Variants in EPHA5 observed in about 807,000 individuals in gnomAD.
EPHA5 encodes EPH receptor A5.
A neutral mutation model predicts 105.0 loss-of-function variants in EPHA5; 60 were observed. The ratio of observed to expected loss-of-function variants is 0.57; its 90% CI spans 0.46 to 0.71. EPHA5 has a LOEUF of 0.71. Among genes scored for constraint, EPHA5 ranks in the 30% least tolerant of loss-of-function variants. EPHA5 has a pLI of 0.00. For missense variants in EPHA5, 1,218 were observed against 1,274.7 expected (o/e 0.96, Z 0.68); for synonymous variants, 513 against 449.1 (o/e 1.14, Z -1.80).
intron 3 of EPHA5, 131 bp downstream of exon 3, chr4:65,601,509 TA>T: frequency 2.1e-6 from 2 of 945,354 alleles, no homozygotes; most frequent in African/African-American, 1.6e-5. Flanking sequence ...AAGAGAAAAA[TA>T]AAACTTGAGA....
intron 3 of EPHA5, among the ~76,000 whole-genome samples, chr4:65,584,817 T>C (rs1039586566): frequency 6.6e-6 from 1 of 152,002 alleles, no homozygotes; most frequent in Non-Finnish European, 1.5e-5. Context: ...TATGAAAGTA[T>C]TGTTAAAAAA....
At chr4:65,432,892 G>A (rs1349134886) in intron 5 of EPHA5, among the ~76,000 whole-genome samples, 2 of 151,544 alleles carry the variant, frequency 1.3e-5, no homozygotes, top group Non-Finnish European at 2.9e-5. Flanking sequence ...AATATATTTA[G>A]TGCCTCTATA....
intron 14 of EPHA5, among the ~76,000 whole-genome samples, chr4:65,339,085 C>A (rs1721455669): frequency 6.6e-6 from 1 of 152,078 alleles, no homozygotes; most frequent in Non-Finnish European, 1.5e-5. Flanking sequence ...ATTTTCTTGG[C>A]ATTGGCATGT....
At position 65,323,470 on chromosome 4, in the gene EPHA5, A is replaced by G. The variant is rs944180090; in HGVS notation, c.*644T>C. ...ACACATTTATTACCTAATAATCTCT[A>G]GAAGAGCAACTAAAAGTAAACTTTA... is the stretch of plus-strand genomic sequence containing the variant. On this transcript the variant is annotated 3_prime_UTR_variant, in exon 17 of 17. Coordinates refer to ENST00000613740, the MANE Select transcript of EPHA5 (RefSeq NM_001281766.3). 8 of 230,120 alleles carry G rather than the reference A, an allele frequency of 3.5e-5. No homozygotes were observed. Among genetic ancestry groups the G allele is most frequent in the Non-Finnish European group, 6.0e-5 (7 of 116,098 alleles). 14.3% of individuals were successfully genotyped at this position (230,120 alleles called of 1,614,324 possible). A position where few individuals can be genotyped will look rare whatever the true frequency, so the allele number is the denominator to read the frequency against.
At chr4:65,546,843 T>C (rs1737422266) in intron 3 of EPHA5, among the ~76,000 whole-genome samples, 1 of 91,818 alleles carries the variant, frequency 1.1e-5, no homozygotes, top group Non-Finnish European at 2.2e-5. Context: ...TGTTATTTTC[T>C]AAAAAGTAAC....
chr4:65,625,459 C>A lies in EPHA5; in HGVS notation c.246+17904G>T, dbSNP rs367633498. Among the ~76,000 whole-genome samples the A allele has an allele frequency of 1.3e-4, 20 of 152,290 alleles. No individual in the cohort carries two copies. In the East Asian group the frequency reaches 3.5e-3, roughly 26 times the overall value. ...GTATGTAATACCAGAGAAAAATTCT[C>A]ACCTTCTCCAGTCATCAACTGATGC... On this transcript the variant is annotated intron_variant, in intron 2 of 16. Coordinates refer to ENST00000613740, the MANE Select transcript of EPHA5 (RefSeq NM_001281766.3).
intron 8 of EPHA5, among the ~76,000 whole-genome samples, chr4:65,387,677 T>C (rs1577983810): frequency 2.6e-5 from 4 of 151,746 alleles, no homozygotes; most frequent in African/African-American, 9.7e-5. Flanking sequence ...CAGGGCTGAG[T>C]CAGGAAAAGT....
At chr4:65,338,058 A>G (rs540712547) in intron 14 of EPHA5, among the ~76,000 whole-genome samples, 29 of 152,064 alleles carry the variant, frequency 1.9e-4, no homozygotes, top group Non-Finnish European at 3.5e-4. Flanking sequence ...AAATTTATAC[A>G]TATTGAGAAA....
At chr4:65,475,873 A>T (rs1172311963) in intron 5 of EPHA5, among the ~76,000 whole-genome samples, 5 of 152,190 alleles carry the variant, frequency 3.3e-5, no homozygotes, top group Non-Finnish European at 5.9e-5. Context: ...TAGAGCTCAC[A>T]GGTGAGACAG....
At chr4:65,644,417 T>G (rs762850417) in intron 1 of EPHA5, among the ~76,000 whole-genome samples, 2 of 152,048 alleles carry the variant, frequency 1.3e-5, no homozygotes, top group East Asian at 1.9e-4. Context: ...CAACTTTGAA[T>G]GAGCCTGGAA....
chr4:65,606,152 A>C (rs951139941), intron 2 of EPHA5, among the ~76,000 whole-genome samples: 8 of 152,162 alleles, frequency 5.3e-5, no homozygotes, highest in Non-Finnish European at 1.2e-4. Context: ...GACGTCATGT[A>C]ACCATCAATA....
rs1743817012 is a variant in EPHA5, at chr4:65,602,324, A to G, written c.247-20T>C. 5 of 1,384,126 alleles carry G rather than the reference A, an allele frequency of 3.6e-6. No homozygotes were observed. The South Asian group carries it at 7.0e-5, about 19-fold the overall frequency. The allele number at this position is 1,384,126 out of a possible 1,614,324, so 85.7% of individuals were successfully genotyped here. Reference sequence around the variant, plus strand: ...TTCCCACTGTACAATATAAAATAGAAAGATAAAAAAAATTCAAAAAATAGA... The same window carrying G: ...TTCCCACTGTACAATATAAAATAGAGAGATAAAAAAAATTCAAAAAATAGA... On this transcript the variant is annotated intron_variant, in intron 2 of 16. Transcript: ENST00000613740.
At chr4:65,395,343 A>G (rs1721113712) in intron 8 of EPHA5, among the ~76,000 whole-genome samples, 1 of 152,210 alleles carries the variant, frequency 6.6e-6, no homozygotes, top group South Asian at 2.1e-4. Context: ...CTTATATCAT[A>G]TGTCCTGGAC....
At chr4:65,560,174 C>G (rs1350742335) in intron 3 of EPHA5, among the ~76,000 whole-genome samples, 1 of 152,020 alleles carries the variant, frequency 6.6e-6, no homozygotes, top group East Asian at 1.9e-4. Context: ...CAATTACTCC[C>G]CAACACTTTC....
At chr4:65,412,946 T>C (rs1723051010) in intron 7 of EPHA5, among the ~76,000 whole-genome samples, 1 of 152,114 alleles carries the variant, frequency 6.6e-6, no homozygotes, top group South Asian at 2.1e-4. Flanking sequence ...TCAAGCATAG[T>C]TTGAGATTTC....
At chr4:65,354,001 C>A (rs895318267) in intron 11 of EPHA5, among the ~76,000 whole-genome samples, 2 of 151,760 alleles carry the variant, frequency 1.3e-5, no homozygotes, top group Non-Finnish European at 2.9e-5. Flanking sequence ...TAGAGCCATA[C>A]TTCTTGGATT....
intron 5 of EPHA5, among the ~76,000 whole-genome samples, chr4:65,423,449 T>C (rs4364313): frequency 0.13 from 19,352 of 152,068 alleles, 1,689 homozygotes; most frequent in East Asian, 0.32. Context: ...GAATATCTAC[T>C]TAAATTATTA....
Position 65,420,565 on chromosome 4 carries a change from G to T in EPHA5, c.1403C>A (p.Ala468Asp). ...VSVNVTTNQA[A>D]PSPVTNVKKG... ...TTTCACATTGGTGACTGGAGATGGA[G>T]CTGCAAAATAGTTTAAATAAGGAGC... The change falls in exon 6 of 17, where the codon GCT becomes GAT. Residue 468 changes from alanine (A) to aspartate (D), a missense_variant and splice_region_variant. Around this residue, in one of 3 missense-constraint regions of EPHA5, gnomAD observed 971 missense variants for 1,013.5 expected, o/e 0.96. Transcript: ENST00000613740. 6.2e-7 allele frequency: 1 copy of T among 1,611,888 alleles called. No individual in the cohort carries two copies.
intron 3 of EPHA5, among the ~76,000 whole-genome samples, chr4:65,504,624 C>T (rs745372764): frequency 3.3e-5 from 5 of 151,826 alleles, no homozygotes; most frequent in South Asian, 4.1e-4. Context: ...CTCGACAATG[C>T]GGATGTGCTT....
Sources: allele counts gnomAD v4.1 joint callset (sites outside exome capture counted in the v4.1 genomes callset), GRCh38; gene constraint gnomAD v4.1.1; regional missense constraint gnomAD v4.1.1; transcripts MANE v1.5; gene names NCBI Gene and HGNC (gene_info 2026-07-23, HGNC 2026-07-21).